PUS7L: variants seen among roughly 807,000 people sequenced by gnomAD.
PUS7L encodes the protein pseudouridylate synthase PUS7L.
Under a neutral mutation model 51.1 loss-of-function variants are expected in PUS7L, and 49 were observed. That is an observed-to-expected ratio of 0.96 (90% confidence interval 0.76 to 1.22). PUS7L has a LOEUF of 1.22. Ranked by LOEUF, PUS7L falls within the 50% of genes most tolerant of loss-of-function variation. The pLI, the probability that PUS7L is intolerant of heterozygous loss-of-function variation, is 0.00. For missense variants in PUS7L, 828 were observed against 820.6 expected (o/e 1.01, Z -0.11); for synonymous variants, 277 against 276.2 (o/e 1.00, Z -0.03).
At chr12:43,731,872 TA>T in intron 7 of PUS7L, 114 bp from the exon 8 acceptor site, 1 of 645,294 alleles carries the variant, frequency 1.5e-6, no homozygotes, top group South Asian at 1.9e-5. Context: ...TGAATATACA[TA>T]AACCCAAACA....
intron 6 of PUS7L, among the ~76,000 whole-genome samples, chr12:43,737,593 T>G (rs1000669002): frequency 1.3e-5 from 2 of 150,610 alleles, no homozygotes; most frequent in African/African-American, 4.9e-5. Context: ...ATATTATAAA[T>G]AATATTATTT....
intron 3 of PUS7L, among the ~76,000 whole-genome samples, chr12:43,747,937 G>A (rs527730973): frequency 3.3e-5 from 5 of 152,002 alleles, no homozygotes; most frequent in Non-Finnish European, 7.4e-5. Flanking sequence ...ACAGGCGCAC[G>A]CCATCACATC....
chr12:43,730,819 A>G (rs1944536042), intron 8 of PUS7L, 117 bp from the exon 9 acceptor site: 1 of 655,440 alleles, frequency 1.5e-6, no homozygotes, highest in Non-Finnish European at 2.6e-6. Context: ...TCAGAATATA[A>G]ACACCACAAT....
intron 7 of PUS7L, among the ~76,000 whole-genome samples, chr12:43,733,400 TAATAA>T (rs1258455033): frequency 2.0e-5 from 3 of 152,214 alleles, no homozygotes; most frequent in Non-Finnish European, 4.4e-5. Context: ...CAGTGCTAAC[TAATAA>T]AATAAGTGAT....
intron 3 of PUS7L, among the ~76,000 whole-genome samples, chr12:43,746,590 A>G (rs1938183325): frequency 1.3e-5 from 2 of 152,124 alleles, no homozygotes; most frequent in East Asian, 3.8e-4. Flanking sequence ...TCTTTACCCA[A>G]CATTACCAAG....
At chr12:43,758,672 CA>C (rs1480719768) in intron 1 of PUS7L, 57 bp downstream of exon 1, 39 of 557,666 alleles carry the variant, frequency 7.0e-5, no homozygotes, top group Non-Finnish European at 7.4e-5. Context: ...CCCCCACACA[CA>C]CACACACACA....
Position 43,719,320 on chromosome 12 carries a change from T to C in PUS7L, c.*11056A>G, listed in dbSNP as rs1381965724. 6.6e-6 allele frequency: 1 copy of C among 152,192 alleles called. No homozygotes were observed. Among genetic ancestry groups the C allele is most frequent in the Admixed American group, 6.5e-5 (1 of 15,282 alleles). 9.4% of individuals were successfully genotyped at this position (152,192 alleles called of 1,614,324 possible). ...GACAAAACTGTGTATTTTTTAGGAATGAATACATGGGTGGTAAAGCTATCA... is the reference window on the plus strand; with the variant it reads ...GACAAAACTGTGTATTTTTTAGGAACGAATACATGGGTGGTAAAGCTATCA... On this transcript the variant is annotated 3_prime_UTR_variant, in exon 9 of 9. Transcript: ENST00000344862.
At chr12:43,749,646 G>A (rs1257550237) in intron 2 of PUS7L, among the ~76,000 whole-genome samples, 4 of 152,064 alleles carry the variant, frequency 2.6e-5, no homozygotes, top group African/African-American at 7.2e-5. Flanking sequence ...CTCCAGCCTG[G>A]GTGAAAGAGC....
At position 43,754,931 on chromosome 12, in the gene PUS7L, T is replaced by C; in HGVS notation, c.315A>G (p.Ser105=). The change falls in exon 2 of 9, where the codon TCA becomes TCG. Residue 105 remains serine, a synonymous_variant. Transcript: ENST00000344862. The stretch of plus-strand genomic sequence containing the variant: ...CATCAACGATAGTATCTTCCTTTTC[T>C]GAACCAGACTGATGATTTTGGTCAC... The part of the protein sequence containing the change: ...TDGDQNHQSG[S]EKEDTIVDGT... 1 of 1,613,952 alleles carries C rather than the reference T, an allele frequency of 6.2e-7. No individual in the cohort carries two copies. Among genetic ancestry groups the C allele is most frequent in the Non-Finnish European group, 8.5e-7 (1 of 1,179,876 alleles).
intron 2 of PUS7L, among the ~76,000 whole-genome samples, chr12:43,753,106 C>A (rs1050900807): frequency 6.6e-6 from 1 of 152,064 alleles, no homozygotes; most frequent in Non-Finnish European, 1.5e-5. Context: ...AATCACTCAC[C>A]AGCAATTCCT....
rs1400504480 is a variant in PUS7L at position 43,758,718 on chromosome 12, G to C, written c.-17+12C>G. The C allele has an allele frequency of 2.1e-6, 2 of 951,690 alleles. No individual in the cohort carries two copies. The highest frequency in any genetic ancestry group is 2.1e-5 in the African/African-American group (1 of 47,204). The allele number at this position is 951,690 out of a possible 1,614,324, so 59.0% of individuals were successfully genotyped here. On this transcript the variant is annotated intron_variant, in intron 1 of 8. Transcript: ENST00000344862. Reference sequence around the variant, plus strand: ...AAGCCCACCATCGCGCAAGAAACTCGACCCCGTCTACCTCGGTTCAGTGGA... The same window carrying C: ...AAGCCCACCATCGCGCAAGAAACTCCACCCCGTCTACCTCGGTTCAGTGGA...
At position 43,746,108 on chromosome 12, in the gene PUS7L, T is replaced by G; in HGVS notation, c.1201A>C (p.Lys401Gln). Reference protein sequence around the residue: ...HFDIVIRNLKKQINDSANLRE... With the variant: ...HFDIVIRNLKQQINDSANLRE... ...AGGTTTGCAGAATCATTTATTTGTTTTTTTAAATTTCTAATGACAATATCA... is the reference window on the plus strand; with the variant it reads ...AGGTTTGCAGAATCATTTATTTGTTGTTTTAAATTTCTAATGACAATATCA... Residue 401 changes from lysine to glutamine, a missense_variant, in exon 4 of 9, where the codon AAA (lysine) becomes CAA (glutamine). By Grantham distance (53) the Lys-to-Gln change is moderately conservative (BLOSUM62 1). Transcript: ENST00000344862. The G allele has an allele frequency of 6.5e-7, 1 of 1,533,106 alleles. No homozygotes were observed. The highest frequency in any genetic ancestry group is 9.0e-7 in the Non-Finnish European group (1 of 1,110,606). 95.0% of individuals were successfully genotyped at this position (1,533,106 alleles called of 1,614,324 possible).
chr12:43,734,892 A>G (rs1226538561), intron 7 of PUS7L, among the ~76,000 whole-genome samples: 1 of 152,224 alleles, frequency 6.6e-6, no homozygotes, highest in Admixed American at 6.5e-5. Flanking sequence ...AATTTTTAAA[A>G]TTTATGAGAC....
chr12:43,751,212 T>C lies in PUS7L; in HGVS notation c.911-2603A>G, dbSNP rs1002244415. Among the ~76,000 whole-genome samples, 6 of 151,160 alleles carry C rather than the reference T, an allele frequency of 4.0e-5. No individual in the cohort carries two copies. The South Asian group carries it at 1.0e-3, about 26-fold the overall frequency. ...ATTTTTAATTTATATATATATATTA[T>C]TATACTTTAAGTTCTAGGGTACATG... is the stretch of plus-strand genomic sequence containing the variant. On this transcript the variant is annotated intron_variant, in intron 2 of 8. Coordinates refer to ENST00000344862, the MANE Select transcript of PUS7L (RefSeq NM_031292.5).
rs368694990 is a variant in PUS7L, at chr12:43,754,635, T to C, written c.611A>G (p.Lys204Arg). Residue 204 changes from lysine to arginine, a missense_variant, in exon 2 of 9, where the codon AAA (lysine) becomes AGA (arginine). By Grantham distance (26) the Lys-to-Arg change is conservative. Coordinates refer to ENST00000344862, the MANE Select transcript of PUS7L (RefSeq NM_031292.5). Reference sequence around the variant, plus strand: ...TTCAGATACCAAATGACAAAGTTCTTTATATTCAAGATTTGGTTTTACAAC... The same window carrying C: ...TTCAGATACCAAATGACAAAGTTCTCTATATTCAAGATTTGGTTTTACAAC... ...EIVVKPNLEY[K>R]ELCHLVSEEE... 1.2e-6 allele frequency: 2 copies of C among 1,613,498 alleles called. No homozygotes were observed. Among genetic ancestry groups the C allele is most frequent in the East Asian group, 2.2e-5 (1 of 44,882 alleles).
chr12:43,732,866 A>T (rs1944591604), intron 7 of PUS7L, among the ~76,000 whole-genome samples: 1 of 152,240 alleles, frequency 6.6e-6, no homozygotes, highest in Non-Finnish European at 1.5e-5. Flanking sequence ...ACAAAGCTCC[A>T]GATGTGATCT....
At chr12:43,739,168 C>A (rs1937763173) in intron 5 of PUS7L, 1 of 152,114 alleles carries the variant, frequency 6.6e-6, no homozygotes, top group South Asian at 2.1e-4. Context: ...CTAGTGAACT[C>A]CAAAAGCAAC....
intron 1 of PUS7L, among the ~76,000 whole-genome samples, chr12:43,756,581 T>A (rs942197164): frequency 6.6e-6 from 1 of 152,236 alleles, no homozygotes; most frequent in Non-Finnish European, 1.5e-5. Context: ...ATGATTTTTA[T>A]GATCATCTAT....
At chr12:43,731,069 A>T (rs1944543059) in intron 8 of PUS7L, among the ~76,000 whole-genome samples, 1 of 152,170 alleles carries the variant, frequency 6.6e-6, no homozygotes, top group Admixed American at 6.5e-5. Flanking sequence ...CAGTCACATT[A>T]CCGGTATTTT....
Sources: gnomAD v4.1 joint callset for allele counts (sites outside exome capture counted in the v4.1 genomes callset) on GRCh38, gnomAD v4.1.1 for gene constraint, MANE v1.5 for transcripts, NCBI Gene and HGNC (gene_info 2026-07-23, HGNC 2026-07-21) for gene names.